The following RAPGEF4 variants were observed in gnomAD, a reference collection of about 807,000 sequenced individuals.
The protein encoded by RAPGEF4 is Rap guanine nucleotide exchange factor 4.
RAPGEF4 carries 66 observed loss-of-function variants against 147.9 expected under a neutral mutation model. The observed-to-expected ratio is 0.45, with a 90% CI of 0.37 to 0.55. The LOEUF is 0.55. Among genes scored for constraint, RAPGEF4 ranks in the 20% least tolerant of loss-of-function variants. The pLI, the probability that RAPGEF4 is intolerant of heterozygous loss-of-function variation, is 0.00. For missense variants in RAPGEF4, 1,071 were observed against 1,257.3 expected, an observed-to-expected ratio of 0.85 and a Z score of 2.24; for synonymous variants, 419 against 442.7, an observed-to-expected ratio of 0.95 and a Z score of 0.67.
chr2:172,867,488 T>G (rs78903063), intron 4 of RAPGEF4, among the ~76,000 whole-genome samples: 9,216 of 152,212 alleles, frequency 0.061, 348 homozygotes, highest in Middle Eastern at 0.095. Context: ...AGAGGAATCA[T>G]TCAAGAGAAG....
intron 4 of RAPGEF4, among the ~76,000 whole-genome samples, chr2:172,858,820 C>T (rs1437922808): frequency 6.6e-6 from 1 of 152,162 alleles, no homozygotes; most frequent in Non-Finnish European, 1.5e-5. Flanking sequence ...AATCAGCCCT[C>T]TCAAGTTATT....
chr2:173,009,335 T>C (rs1381487975), intron 17 of RAPGEF4, among the ~76,000 whole-genome samples: 1 of 152,212 alleles, frequency 6.6e-6, no homozygotes, highest in Non-Finnish European at 1.5e-5. Flanking sequence ...ATAAATTATC[T>C]GTAATCAGTT....
chr2:172,814,137 A>C, intron 3 of RAPGEF4, 142 bp from the exon 4 acceptor site: 1 of 811,820 alleles, frequency 1.2e-6, no homozygotes, highest in Non-Finnish European at 2.0e-6. Context: ...TTACTCCGGT[A>C]TATATATTTG....
intron 4 of RAPGEF4, among the ~76,000 whole-genome samples, chr2:172,818,974 A>T (rs1688786144): frequency 6.6e-6 from 1 of 152,222 alleles, no homozygotes; most frequent in Admixed American, 6.5e-5. Context: ...AGTATTTTTT[A>T]AAAATCATCA....
intron 3 of RAPGEF4, among the ~76,000 whole-genome samples, chr2:172,799,253 C>T (rs1449812233): frequency 6.6e-6 from 1 of 152,146 alleles, no homozygotes; most frequent in African/African-American, 2.4e-5. Flanking sequence ...GGTCGTATTA[C>T]TGTTCTCATT....
intron 14 of RAPGEF4, among the ~76,000 whole-genome samples, chr2:172,989,416 C>T (rs1173091400): frequency 6.7e-6 from 1 of 150,078 alleles, no homozygotes; most frequent in Non-Finnish European, 1.5e-5. Flanking sequence ...TTGTTACAAA[C>T]TAAAGGAATT....
intron 2 of RAPGEF4, among the ~76,000 whole-genome samples, chr2:172,796,044 C>T (rs560550793): frequency 2.6e-5 from 4 of 152,292 alleles, no homozygotes; most frequent in African/African-American, 4.8e-5. Context: ...GCATCACATG[C>T]CTAAGTCTAA....
At chr2:172,773,836 C>A (rs558958345) in intron 1 of RAPGEF4, among the ~76,000 whole-genome samples, 10 of 152,038 alleles carry the variant, frequency 6.6e-5, no homozygotes, top group Non-Finnish European at 1.3e-4. Flanking sequence ...ATCACATAAT[C>A]GTCATATAGT....
intron 15 of RAPGEF4, among the ~76,000 whole-genome samples, chr2:172,995,815 C>A (rs527251660): frequency 1.1e-4 from 16 of 152,214 alleles, no homozygotes; most frequent in African/African-American, 3.6e-4. Context: ...TCTAATATAA[C>A]CCCCAGTAAT....
At chr2:172,814,510 C>G (rs1688319427) in intron 4 of RAPGEF4, 85 bp downstream of exon 4, 1 of 1,469,154 alleles carries the variant, frequency 6.8e-7, no homozygotes, top group Non-Finnish European at 9.5e-7. Context: ...TACAGTCAAG[C>G]CTTAATGTGT....
intron 6 of RAPGEF4, among the ~76,000 whole-genome samples, chr2:172,949,087 A>G (rs559901999): frequency 6.6e-6 from 1 of 152,360 alleles, no homozygotes; most frequent in East Asian, 1.9e-4. Flanking sequence ...TTAATTTCCA[A>G]CATCCAGTAA....
At position 172,838,248 on chromosome 2, in the gene RAPGEF4, G is replaced by A. The variant is rs554298983; in HGVS notation, c.444+23823G>A. Among the ~76,000 whole-genome samples, 7 of 152,092 alleles carry A rather than the reference G, an allele frequency of 4.6e-5. No individual in the cohort carries two copies. In the South Asian group the frequency reaches 6.2e-4, roughly 14 times the overall value. On this transcript the variant is annotated intron_variant, in intron 4 of 30. Coordinates refer to ENST00000397081, the MANE Select transcript of RAPGEF4 (RefSeq NM_007023.4). Reference sequence around the variant, plus strand: ...TTTATTTCTCTGTGGATATCATGACGTGAAAGAATATCCTCCTCAAAAATA... The same window carrying A: ...TTTATTTCTCTGTGGATATCATGACATGAAAGAATATCCTCCTCAAAAATA...
chr2:173,032,984 C>T (rs1367082345), intron 26 of RAPGEF4, among the ~76,000 whole-genome samples: 2 of 152,110 alleles, frequency 1.3e-5, no homozygotes, highest in African/African-American at 4.8e-5. Context: ...TTGGCTTAGC[C>T]CTGTCAGGAG....
At chr2:172,905,927 A>G (rs748221114) in intron 4 of RAPGEF4, among the ~76,000 whole-genome samples, 5 of 152,214 alleles carry the variant, frequency 3.3e-5, no homozygotes, top group Non-Finnish European at 2.9e-5. Context: ...CCAGTGATCT[A>G]TTGTGGGAAA....
chr2:172,941,463 A>T (rs1687144453), intron 6 of RAPGEF4, among the ~76,000 whole-genome samples: 1 of 152,206 alleles, frequency 6.6e-6, no homozygotes, highest in Non-Finnish European at 1.5e-5. Context: ...AAAGATGAAA[A>T]ATATTCACTT....
chr2:172,877,223 A>T (rs1190255581), intron 4 of RAPGEF4, among the ~76,000 whole-genome samples: 11 of 152,182 alleles, frequency 7.2e-5, no homozygotes, highest in Non-Finnish European at 1.5e-5. Context: ...AGGGACATGG[A>T]TGAAGCTGGA....
At chr2:173,034,476 C>T (rs1683655993) in intron 27 of RAPGEF4, among the ~76,000 whole-genome samples, 1 of 152,110 alleles carries the variant, frequency 6.6e-6, no homozygotes. Flanking sequence ...TTTTTGCTTT[C>T]ATAGGAAATA....
At chr2:173,049,425 C>T (rs534241885) in intron 30 of RAPGEF4, among the ~76,000 whole-genome samples, 1 of 152,238 alleles carries the variant, frequency 6.6e-6, no homozygotes, top group South Asian at 2.1e-4. Flanking sequence ...TTTTGCTAAG[C>T]TCATTGTATG....
At chr2:172,975,751 A>G (rs1020710073) in intron 10 of RAPGEF4, among the ~76,000 whole-genome samples, 5 of 152,214 alleles carry the variant, frequency 3.3e-5, no homozygotes, top group African/African-American at 7.2e-5. Flanking sequence ...TTTCCATCTC[A>G]TATGTATATT....
Sources: allele counts gnomAD v4.1 joint callset (sites outside exome capture counted in the v4.1 genomes callset), GRCh38; gene constraint gnomAD v4.1.1; transcripts MANE v1.5; gene names NCBI Gene and HGNC (gene_info 2026-07-23, HGNC 2026-07-21).